PRSS55: variants seen among roughly 807,000 people sequenced by gnomAD.
PRSS55 encodes probable serine protease UNQ9391/PRO34284.
PRSS55 carries 41 observed loss-of-function variants against 23.6 expected under a neutral mutation model. The observed-to-expected ratio is 1.74, with a 90% confidence interval of 1.35 to 2.26. The LOEUF (loss-of-function observed/expected upper bound fraction) is 2.26. PRSS55 is among the 30% of genes most tolerant of loss of function. The probability of loss-of-function intolerance (pLI) is 0.00; values close to 1 mark genes in which losing one functional copy is unlikely to be tolerated. For missense variants in PRSS55, 669 were observed against 439.1 expected, an observed-to-expected ratio of 1.52 and a Z score of -4.68; for synonymous variants, 262 against 175.5, an observed-to-expected ratio of 1.49 and a Z score of -3.90.
chr8:10,544,050 G>T (rs1006520124), intron 4 of PRSS55, among the ~76,000 whole-genome samples: 3 of 152,128 alleles, frequency 2.0e-5, no homozygotes, highest in Admixed American at 1.3e-4. Flanking sequence ...CTGGTTTATA[G>T]TATTGCCAAA....
downstream of PRSS55, among the ~76,000 whole-genome samples, chr8:10,543,423 T>TTCCTTCCTTCCTTCCTTC (rs1812717370): frequency 1.4e-4 from 10 of 71,562 alleles, no homozygotes; most frequent in East Asian, 4.7e-4. Context: ...CTTCTTTCTT[T>TTCCTTCCTTCCTTCCTTC]CTTCCTTCCT....
chr8:10,547,818 T>C (rs2117080638), intron 4 of PRSS55, among the ~76,000 whole-genome samples: 1 of 150,606 alleles, frequency 6.6e-6, no homozygotes, highest in Non-Finnish European at 1.5e-5. Context: ...GAGAGTCTTT[T>C]ATGTGCCGTT....
At chr8:10,533,283 G>T (rs1282371417) in intron 4 of PRSS55, among the ~76,000 whole-genome samples, 1 of 152,024 alleles carries the variant, frequency 6.6e-6, no homozygotes, top group Admixed American at 6.6e-5. Flanking sequence ...ATCTTCTTCA[G>T]GTACACTAGG....
In PRSS55 at chr8:10,538,506, C is replaced by G. The variant is rs140412227; in HGVS notation, c.772C>G (p.Pro258Ala). Residue 258 changes from proline (P) to alanine (A), a missense_variant, in exon 5 of 5, where the codon CCA becomes GCA. Physicochemically the swap from Pro to Ala is conservative, Grantham distance 27. Transcript: ENST00000328655. ...CAGTGGGGGGCCTCTGGTCTGCACC[C>G]CAGAGCCTGGTGAGAAGTGGTACCA... ...GDSGGPLVCT[P>A]EPGEKWYQVG... The G allele has an allele frequency of 4.5e-5, 72 of 1,613,914 alleles. No individual in the cohort carries two copies. Among genetic ancestry groups the G allele is most frequent in the African/African-American group, 3.3e-4 (25 of 75,036 alleles).
At chr8:10,535,904 G>A (rs2117041902) in intron 4 of PRSS55, among the ~76,000 whole-genome samples, 1 of 152,242 alleles carries the variant, frequency 6.6e-6, no homozygotes, top group African/African-American at 2.4e-5. Flanking sequence ...ATGGGCAGAG[G>A]GGCCGGGAGC....
At position 10,535,505 on chromosome 8, in the gene PRSS55, G is replaced by A. The variant is rs887272601; in HGVS notation, c.741+2457G>A. On this transcript the variant is annotated intron_variant, in intron 4 of 4. Transcript: ENST00000328655. ...TTCGATAAATGGTGTTGGGATAACTGGCTAGCCATATGCAGAAGATTGAAA... is the reference window on the plus strand; with the variant it reads ...TTCGATAAATGGTGTTGGGATAACTAGCTAGCCATATGCAGAAGATTGAAA... 2.0e-5 allele frequency among the ~76,000 whole-genome samples: 3 copies of A among 152,344 alleles called. No individual in the cohort carries two copies. In the East Asian group the frequency reaches 5.8e-4, roughly 29 times the overall value.
At chr8:10,544,675 G>A (rs1054726746) in intron 4 of PRSS55, among the ~76,000 whole-genome samples, 68 of 151,984 alleles carry the variant, frequency 4.5e-4, no homozygotes, top group African/African-American at 1.5e-3. Flanking sequence ...ATATTTTTGA[G>A]TTGTTTTCTT....
chr8:10,530,827 C>A (rs1812225762), intron 2 of PRSS55, among the ~76,000 whole-genome samples: 1 of 152,178 alleles, frequency 6.6e-6, no homozygotes, highest in African/African-American at 2.4e-5. Flanking sequence ...GGGCTTATTA[C>A]TGAAGATCCT....
intron 2 of PRSS55, among the ~76,000 whole-genome samples, chr8:10,530,844 T>C (rs1361498073): frequency 6.6e-6 from 1 of 152,180 alleles, no homozygotes; most frequent in Non-Finnish European, 1.5e-5. Context: ...TCCTGTCTGC[T>C]TGGTCAGTGG....
chr8:10,526,704 T>C (rs1392366222), intron 1 of PRSS55, among the ~76,000 whole-genome samples: 2 of 152,234 alleles, frequency 1.3e-5, no homozygotes, highest in African/African-American at 4.8e-5. Context: ...ATCCCATTGA[T>C]GCAAAATGGA....
At chr8:10,549,845 T>C (rs574452243) in intron 4 of PRSS55, among the ~76,000 whole-genome samples, 21 of 152,328 alleles carry the variant, frequency 1.4e-4, no homozygotes, top group African/African-American at 5.1e-4. Context: ...TAAGGCCCTG[T>C]TCCCGGCCTG....
At chr8:10,542,693 C>T (rs1247634865), downstream of PRSS55, among the ~76,000 whole-genome samples, 5 of 150,144 alleles carry the variant, frequency 3.3e-5, no homozygotes, top group East Asian at 8.0e-4. Context: ...GATGGTGAAA[C>T]CCCATCTCAA....
chr8:10,533,750 G>A (rs1404908547), intron 4 of PRSS55, among the ~76,000 whole-genome samples: 1 of 152,134 alleles, frequency 6.6e-6, no homozygotes, highest in Non-Finnish European at 1.5e-5. Flanking sequence ...GAAGACTAGG[G>A]ACCTGCTCAT....
chr8:10,550,465 G>A (rs1205089650), intron 4 of PRSS55, among the ~76,000 whole-genome samples: 1 of 152,170 alleles, frequency 6.6e-6, no homozygotes, highest in Non-Finnish European at 1.5e-5. Context: ...TGGCTGCTGT[G>A]CCTTAAACAA....
At chr8:10,547,396 G>C (rs1812844467) in intron 4 of PRSS55, 1 of 152,322 alleles carries the variant, frequency 6.6e-6, no homozygotes, top group South Asian at 2.1e-4. Flanking sequence ...GTTTTGCAGA[G>C]CTGCTTCTAG....
chr8:10,538,274 G>A (rs1812524820), intron 4 of PRSS55, among the ~76,000 whole-genome samples: 1 of 150,672 alleles, frequency 6.6e-6, no homozygotes, highest in East Asian at 2.0e-4. Flanking sequence ...CTCATCCACA[G>A]CACCCCACCC....
At chr8:10,549,512 G>A (rs1018777022) in intron 4 of PRSS55, among the ~76,000 whole-genome samples, 3 of 152,168 alleles carry the variant, frequency 2.0e-5, no homozygotes, top group African/African-American at 7.2e-5. Context: ...AGCACACTGG[G>A]GGTCACACAG....
intron 4 of PRSS55, among the ~76,000 whole-genome samples, chr8:10,533,778 T>C (rs1328706594): frequency 6.6e-6 from 1 of 152,192 alleles, no homozygotes; most frequent in East Asian, 1.9e-4. Context: ...GCAGTGGACC[T>C]TGTCGTTGGT....
downstream of PRSS55, among the ~76,000 whole-genome samples, chr8:10,539,433 T>C (rs1230427543): frequency 1.3e-5 from 2 of 152,246 alleles, no homozygotes; most frequent in Admixed American, 6.5e-5. Flanking sequence ...AAACGAACGA[T>C]GTGCTTATGC....
Sources: gnomAD v4.1 joint callset for allele counts (sites outside exome capture counted in the v4.1 genomes callset) on GRCh38, gnomAD v4.1.1 for gene constraint, MANE v1.5 for transcripts, NCBI Gene and HGNC (gene_info 2026-07-23, HGNC 2026-07-21) for gene names.